The following THADA variants were observed in gnomAD, a reference collection of about 807,000 sequenced individuals.
THADA encodes the protein tRNA (32-2'-O)-methyltransferase regulator THADA.
In THADA, 213 loss-of-function variants were observed where a neutral mutation model predicts 219.8. The observed-to-expected ratio is 0.97, with a 90% CI of 0.87 to 1.09. The LOEUF (loss-of-function observed/expected upper bound fraction) is 1.09, where lower values mean the gene tolerates loss of function less well. Among genes scored for constraint, THADA ranks in the 50% least tolerant of loss-of-function variants. The pLI is 0.00. For missense variants in THADA, 2,956 were observed against 2,311.3 expected, an observed-to-expected ratio of 1.28 and a Z score of -5.72; for synonymous variants, 1,018 against 828.9, an observed-to-expected ratio of 1.23 and a Z score of -3.92.
chr2:43,446,409 T>C (rs1298530641), intron 26 of THADA, among the ~76,000 whole-genome samples: 1 of 152,198 alleles, frequency 6.6e-6, no homozygotes, highest in South Asian at 2.1e-4. Flanking sequence ...TTACAAAGCA[T>C]GGCAGCTTCT....
chr2:43,476,600 C>G (rs556234183), intron 26 of THADA, among the ~76,000 whole-genome samples: 1 of 152,120 alleles, frequency 6.6e-6, no homozygotes, highest in Non-Finnish European at 1.5e-5. Flanking sequence ...TGTTAACAGA[C>G]GGTGCTATTA....
At chr2:43,505,888 G>T (rs539413317) in intron 23 of THADA, among the ~76,000 whole-genome samples, 153 bp from the exon 24 acceptor site, 1 of 152,280 alleles carries the variant, frequency 6.6e-6, no homozygotes, top group South Asian at 2.1e-4. Context: ...GTGGGCAAGT[G>T]GTTTAACCTC....
At chr2:43,473,580 C>T (rs1430095702) in intron 26 of THADA, among the ~76,000 whole-genome samples, 1 of 151,832 alleles carries the variant, frequency 6.6e-6, no homozygotes, top group Non-Finnish European at 1.5e-5. Context: ...CGTTTTGTGT[C>T]AAGTATCACA....
intron 23 of THADA, among the ~76,000 whole-genome samples, chr2:43,507,142 T>G (rs1689776042): frequency 6.6e-6 from 1 of 152,102 alleles, no homozygotes; most frequent in African/African-American, 2.4e-5. Context: ...AAATGAAGAC[T>G]CTCTTTAAGC....
chr2:43,305,317 T>A (rs1169703830), intron 31 of THADA, among the ~76,000 whole-genome samples: 1 of 152,156 alleles, frequency 6.6e-6, no homozygotes, highest in African/African-American at 2.4e-5. Context: ...TAAACTGTAA[T>A]CCTGACCCCA....
chr2:43,344,090 T>C (rs1667357802), intron 30 of THADA, 32 bp downstream of exon 30: 1 of 1,491,486 alleles, frequency 6.7e-7, no homozygotes, highest in African/African-American at 1.4e-5. Flanking sequence ...TAACCCCTGA[T>C]AACTCCTTGC....
At chr2:43,581,953 A>G (rs1308117850) in intron 7 of THADA, 25 bp from the exon 8 acceptor site, 1 of 1,482,772 alleles carries the variant, frequency 6.7e-7, no homozygotes, top group Non-Finnish European at 8.9e-7. Flanking sequence ...AGACATTATT[A>G]CAAAAGGAAA....
At chr2:43,531,050 A>G (rs965457173) in intron 21 of THADA, among the ~76,000 whole-genome samples, 3 of 152,246 alleles carry the variant, frequency 2.0e-5, no homozygotes, top group Non-Finnish European at 2.9e-5. Flanking sequence ...AGCACCATGT[A>G]AAATGCTTCA....
rs145716506 is a variant in THADA, at chr2:43,380,905, C to G, written c.4227+17066G>C. 3.2e-3 allele frequency among the ~76,000 whole-genome samples: 491 copies of G among 152,128 alleles called. 4 individuals are homozygous for G. Among genetic ancestry groups the G allele is most frequent in the South Asian group, 6.2e-3 (30 of 4,810 alleles). ...CCTGAGGTTAGGAGTTCGAGACCAGCCTGGCCAACATGCTGAAACCCCGTC... is the reference window on the plus strand; with the variant it reads ...CCTGAGGTTAGGAGTTCGAGACCAGGCTGGCCAACATGCTGAAACCCCGTC... On this transcript the variant is annotated intron_variant, in intron 29 of 37. Coordinates refer to ENST00000405975, the MANE Select transcript of THADA (RefSeq NM_022065.5).
intron 30 of THADA, among the ~76,000 whole-genome samples, chr2:43,334,183 A>G (rs1276905948): frequency 1.3e-5 from 2 of 152,134 alleles, no homozygotes; most frequent in African/African-American, 2.4e-5. Flanking sequence ...AGTAAGTAAG[A>G]CAGAAAAAGG....
chr2:43,289,725 C>T (rs2104356383), intron 34 of THADA, among the ~76,000 whole-genome samples: 1 of 152,178 alleles, frequency 6.6e-6, no homozygotes, highest in Admixed American at 6.5e-5. Context: ...AATCTCGGCT[C>T]ACTGCAGCCT....
chr2:43,292,195 G>A lies in THADA; in HGVS notation c.4846C>T (p.Pro1616Ser). The change falls in exon 33 of 38, where the codon CCT becomes TCT. Residue 1616 changes from proline to serine, a missense_variant. Coordinates refer to ENST00000405975, the MANE Select transcript of THADA (RefSeq NM_022065.5). The part of the protein sequence containing the change: ...KILKILHCMD[P>S]GEWLPQTEHC... ...TCCGTCTGGGGAAGCCACTCACCAG[G>A]GTCCATGCAGTGGAGAATTTTCAGT... 6.2e-7 allele frequency: 1 copy of A among 1,609,386 alleles called. No homozygotes were observed. The highest frequency in any genetic ancestry group is 8.5e-7 in the Non-Finnish European group (1 of 1,178,214).
chr2:43,276,684 C>T (rs1672759994), intron 36 of THADA, among the ~76,000 whole-genome samples: 1 of 152,168 alleles, frequency 6.6e-6, no homozygotes, highest in African/African-American at 2.4e-5. Flanking sequence ...TCTGTTCCCA[C>T]AGCAGATAAA....
intron 21 of THADA, among the ~76,000 whole-genome samples, chr2:43,535,618 T>A (rs1222361847): frequency 2.9e-5 from 4 of 138,032 alleles, no homozygotes; most frequent in African/African-American, 1.1e-4. Context: ...GAGGCAGAGG[T>A]TCATCTAAAC....
chr2:43,581,866 C>G lies in THADA; in HGVS notation c.596G>C (p.Arg199Thr). 6.2e-7 allele frequency: 1 copy of G among 1,608,082 alleles called. No individual in the cohort carries two copies. The highest frequency in any genetic ancestry group is 8.5e-7 in the Non-Finnish European group (1 of 1,178,266). Residue 199 changes from arginine (R) to threonine (T), a missense_variant, in exon 8 of 38, where the codon AGA becomes ACA. Coordinates refer to ENST00000405975, the MANE Select transcript of THADA (RefSeq NM_022065.5). ...TTTCTGTACTAACATCATTGAAACT[C>G]TAATGCCTACCAGTAAGTCATTCAT... ...QLMNDLLVGI[R>T]VSMMLVQKVQ... is the part of the protein sequence containing the mutation.
intron 36 of THADA, among the ~76,000 whole-genome samples, chr2:43,251,979 C>G (rs1427314093): frequency 6.6e-6 from 1 of 152,208 alleles, no homozygotes; most frequent in Non-Finnish European, 1.5e-5. Context: ...CGGGGCTGTT[C>G]CTTCTGTCCC....
At chr2:43,436,167 T>C (rs902221032) in intron 26 of THADA, among the ~76,000 whole-genome samples, 4 of 152,288 alleles carry the variant, frequency 2.6e-5, no homozygotes, top group African/African-American at 9.6e-5. Context: ...CTGACTATTC[T>C]AGACAAAACG....
chr2:43,286,616 T>C (rs534855822), intron 35 of THADA, among the ~76,000 whole-genome samples: 1 of 152,014 alleles, frequency 6.6e-6, no homozygotes, highest in East Asian at 1.9e-4. Flanking sequence ...TGATGGCTAC[T>C]CAGGAGACTG....
chr2:43,422,633 T>A (rs1343472548), intron 28 of THADA, among the ~76,000 whole-genome samples: 1 of 152,216 alleles, frequency 6.6e-6, no homozygotes, highest in Non-Finnish European at 1.5e-5. Context: ...TGTATGTATA[T>A]AATTTTGACT....
Sources: allele counts gnomAD v4.1 joint callset (sites outside exome capture counted in the v4.1 genomes callset), GRCh38; gene constraint gnomAD v4.1.1; transcripts MANE v1.5; gene names NCBI Gene and HGNC (gene_info 2026-07-23, HGNC 2026-07-21).